The following USO1 variants were observed in gnomAD, a reference collection of about 807,000 sequenced individuals.
USO1 encodes USO1 vesicle transport factor.
A neutral mutation model predicts 124.5 loss-of-function variants in USO1; 57 were observed. That is an observed-to-expected ratio of 0.46 (90% CI 0.37 to 0.57). USO1 has a LOEUF of 0.57. USO1 is among the 20% of genes least tolerant of loss of function. The pLI is 0.00. For synonymous variants in USO1, 369 were observed against 362.8 expected (o/e 1.02, Z -0.19); for missense variants, 900 against 1,040.6 (o/e 0.86, Z 1.86).
At chr4:75,806,423 G>GTT in intron 19 of USO1, 63 bp from the exon 20 acceptor site, 1 of 1,522,068 alleles carries the variant, frequency 6.6e-7, no homozygotes, top group Admixed American at 2.0e-5. Flanking sequence ...GTACAGTTCT[G>GTT]TTTTTTTTTC....
At chr4:75,790,865 C>T in intron 12 of USO1, 68 bp downstream of exon 12, 1 of 1,410,730 alleles carries the variant, frequency 7.1e-7, no homozygotes, top group Non-Finnish European at 9.3e-7. Flanking sequence ...TTAATTGATT[C>T]TTTCTTTTTA....
chr4:75,735,018 C>T (rs1720749299), intron 1 of USO1, among the ~76,000 whole-genome samples: 1 of 152,024 alleles, frequency 6.6e-6, no homozygotes, highest in South Asian at 2.1e-4. Flanking sequence ...CATGAGCCAC[C>T]ATACCTGGCC....
chr4:75,739,747 A>G (rs952149838), intron 1 of USO1, among the ~76,000 whole-genome samples: 3 of 151,856 alleles, frequency 2.0e-5, no homozygotes, highest in Non-Finnish European at 2.9e-5. Flanking sequence ...GGGTTTCACC[A>G]TGTTGGCCAG....
chr4:75,745,921 C>G (rs1452694239), intron 1 of USO1, among the ~76,000 whole-genome samples: 4 of 150,498 alleles, frequency 2.7e-5, no homozygotes, highest in African/African-American at 9.8e-5. Flanking sequence ...AAAAAAAAAA[C>G]GAAAAAAACA....
In USO1 at chr4:75,736,778, A is replaced by C. The variant is rs1036717136; in HGVS notation, c.66+11893A>C. Among the ~76,000 whole-genome samples the C allele has an allele frequency of 2.6e-5, 4 of 152,222 alleles. No individual in the cohort carries two copies. The South Asian group carries it at 8.3e-4, about 31-fold the overall frequency. On this transcript the variant is annotated intron_variant, in intron 1 of 23. Coordinates refer to ENST00000514213, the MANE Select transcript of USO1 (RefSeq NM_003715.4). The stretch of plus-strand genomic sequence containing the variant: ...TCTTATTCATTATTATGTTTCTCAG[A>C]GCACCTAATACCTAGTTAGCATAAT...
At chr4:75,802,718 C>T (rs1577972422) in intron 17 of USO1, among the ~76,000 whole-genome samples, 1 of 142,604 alleles carries the variant, frequency 7.0e-6, no homozygotes, top group African/African-American at 2.6e-5. Flanking sequence ...GGTTGCTTTC[C>T]ATTTTTCTTT....
chr4:75,732,974 T>C (rs1720680233), intron 1 of USO1, among the ~76,000 whole-genome samples: 1 of 147,360 alleles, frequency 6.8e-6, no homozygotes, highest in South Asian at 2.2e-4. Flanking sequence ...AAATCACGTC[T>C]GTAGGGCCGG....
intron 4 of USO1, among the ~76,000 whole-genome samples, chr4:75,765,821 T>A (rs1200160518): frequency 6.6e-6 from 1 of 152,152 alleles, no homozygotes; most frequent in African/African-American, 2.4e-5. Flanking sequence ...TTGAATCCAC[T>A]CTAGTTATGT....
intron 1 of USO1, among the ~76,000 whole-genome samples, chr4:75,725,231 G>T (rs1268431061): frequency 6.6e-6 from 1 of 152,200 alleles, no homozygotes; most frequent in Non-Finnish European, 1.5e-5. Flanking sequence ...CCTCGGGGCC[G>T]TGGGCCCCTC....
chr4:75,738,477 T>C (rs1720859691), intron 1 of USO1, among the ~76,000 whole-genome samples: 2 of 152,004 alleles, frequency 1.3e-5, no homozygotes, highest in Non-Finnish European at 2.9e-5. Flanking sequence ...AATTAAGTCT[T>C]TTTTTGTTTG....
chr4:75,732,779 T>C (rs1039318740), intron 1 of USO1, among the ~76,000 whole-genome samples: 10 of 142,588 alleles, frequency 7.0e-5, no homozygotes, highest in Admixed American at 6.9e-4. Context: ...CTTGGGAAGC[T>C]GAGGCAGGAG....
intron 1 of USO1, among the ~76,000 whole-genome samples, chr4:75,734,449 T>G (rs1459637966): frequency 6.6e-6 from 1 of 152,108 alleles, no homozygotes; most frequent in East Asian, 1.9e-4. Context: ...TGGTTGTAGG[T>G]GTGTGGCTTT....
intron 7 of USO1, 113 bp from the exon 8 acceptor site, chr4:75,774,563 G>A: frequency 8.0e-7 from 1 of 1,247,772 alleles, no homozygotes; most frequent in Non-Finnish European, 1.1e-6. Context: ...ATAAAGTAAA[G>A]GAGTTGGGCT....
chr4:75,764,735 A>G (rs1037826220), intron 4 of USO1, among the ~76,000 whole-genome samples: 2 of 152,284 alleles, frequency 1.3e-5, no homozygotes, highest in South Asian at 4.1e-4. Flanking sequence ...GGCATTGTCT[A>G]TCTTGTAAGC....
chr4:75,767,737 C>T (rs951901658), intron 4 of USO1, among the ~76,000 whole-genome samples: 5 of 152,244 alleles, frequency 3.3e-5, no homozygotes, highest in African/African-American at 1.2e-4. Context: ...ATGCATGGTA[C>T]ATCATCTTGA....
At chr4:75,755,850 C>T (rs1721425788) in intron 3 of USO1, among the ~76,000 whole-genome samples, 1 of 152,024 alleles carries the variant, frequency 6.6e-6, no homozygotes, top group Non-Finnish European at 1.5e-5. Context: ...CTGGTGGACC[C>T]AGTGTTATCA....
intron 4 of USO1, among the ~76,000 whole-genome samples, chr4:75,760,868 C>T (rs1395585905): frequency 2.6e-5 from 4 of 152,104 alleles, no homozygotes; most frequent in Admixed American, 2.6e-4. Context: ...TTTTTCTGGC[C>T]AGGCGTGGTG....
At chr4:75,731,295 C>A (rs1378531566) in intron 1 of USO1, among the ~76,000 whole-genome samples, 1 of 152,222 alleles carries the variant, frequency 6.6e-6, no homozygotes, top group African/African-American at 2.4e-5. Flanking sequence ...GGCCTGGTGG[C>A]TCACGCCTGT....
chr4:75,794,965 A>G (rs777533284), intron 13 of USO1, among the ~76,000 whole-genome samples: 3 of 152,192 alleles, frequency 2.0e-5, no homozygotes, highest in Non-Finnish European at 2.9e-5. Flanking sequence ...TCATGTTGCT[A>G]TCTGTTAACA....
Sources: allele counts gnomAD v4.1 joint callset (sites outside exome capture counted in the v4.1 genomes callset), GRCh38; gene constraint gnomAD v4.1.1; transcripts MANE v1.5; gene names NCBI Gene and HGNC (gene_info 2026-07-23, HGNC 2026-07-21).